Variants in CACNB2 observed in about 807,000 individuals in gnomAD.
CACNB2 encodes the protein voltage-dependent L-type calcium channel subunit beta-2.
In CACNB2, 42 loss-of-function variants were observed where a neutral mutation model predicts 73.3. That is an observed-to-expected ratio of 0.57 (90% confidence interval 0.45 to 0.74). The LOEUF (loss-of-function observed/expected upper bound fraction) is 0.74, where lower values mean the gene tolerates loss of function less well. CACNB2 is among the 30% of genes least tolerant of loss of function. CACNB2 has a pLI of 0.00. For synonymous variants in CACNB2, 348 were observed against 310.3 expected (o/e 1.12, Z -1.28); for missense variants, 940 against 853.0 (o/e 1.10, Z -1.27).
At chr10:18,530,085 G>A (rs1327125350) in intron 10 of CACNB2, among the ~76,000 whole-genome samples, 2 of 152,122 alleles carry the variant, frequency 1.3e-5, no homozygotes, top group Non-Finnish European at 2.9e-5. Context: ...AGAACTACAT[G>A]GGAAAGACCA....
At chr10:18,352,556 C>T (rs1180980337) in intron 2 of CACNB2, among the ~76,000 whole-genome samples, 2 of 152,172 alleles carry the variant, frequency 1.3e-5, no homozygotes, top group African/African-American at 2.4e-5. Flanking sequence ...TTTAAGCACT[C>T]TTGTTTACTT....
intron 3 of CACNB2, among the ~76,000 whole-genome samples, chr10:18,490,718 C>G (rs922566369): frequency 1.3e-5 from 2 of 152,142 alleles, no homozygotes; most frequent in African/African-American, 4.8e-5. Context: ...TCCGCAACAG[C>G]CATCCCTGAA....
intron 2 of CACNB2, among the ~76,000 whole-genome samples, chr10:18,274,339 T>C (rs1213821414): frequency 6.6e-6 from 1 of 152,188 alleles, no homozygotes; most frequent in African/African-American, 2.4e-5. Context: ...CATTTTTATC[T>C]GAAAGAACAC....
chr10:18,528,457 A>T (rs895136987), intron 10 of CACNB2, among the ~76,000 whole-genome samples: 6 of 152,154 alleles, frequency 3.9e-5, no homozygotes, highest in African/African-American at 1.4e-4. Context: ...CTGTTTTTAT[A>T]AAGTAAACTT....
At chr10:18,389,495 G>A (rs938685430) in intron 2 of CACNB2, among the ~76,000 whole-genome samples, 1 of 152,062 alleles carries the variant, frequency 6.6e-6, no homozygotes, top group African/African-American at 2.4e-5. Context: ...ATTCAGTTTT[G>A]TTTTTGTTGT....
At chr10:18,368,071 A>C (rs2042429322) in intron 2 of CACNB2, among the ~76,000 whole-genome samples, 1 of 152,170 alleles carries the variant, frequency 6.6e-6, no homozygotes, top group Non-Finnish European at 1.5e-5. Flanking sequence ...GGAGGAAAGA[A>C]ATTTCTTGAA....
intron 2 of CACNB2, among the ~76,000 whole-genome samples, chr10:18,288,790 A>G (rs1484242430): frequency 6.6e-6 from 1 of 152,010 alleles, no homozygotes; most frequent in African/African-American, 2.4e-5. Flanking sequence ...CACACCTATA[A>G]TCCCAGCACT....
At chr10:18,302,467 G>C (rs568230028) in intron 2 of CACNB2, among the ~76,000 whole-genome samples, 1 of 152,276 alleles carries the variant, frequency 6.6e-6, no homozygotes, top group South Asian at 2.1e-4. Flanking sequence ...CAATAAACGA[G>C]TGGATAGAGA....
intron 2 of CACNB2, among the ~76,000 whole-genome samples, chr10:18,323,150 G>T (rs1245989377): frequency 1.3e-5 from 2 of 151,232 alleles, no homozygotes; most frequent in South Asian, 4.2e-4. Flanking sequence ...GTAGTGATGG[G>T]GTATCACTGT....
chr10:18,447,285 A>G (rs767948494), intron 3 of CACNB2, among the ~76,000 whole-genome samples: 1 of 152,202 alleles, frequency 6.6e-6, no homozygotes, highest in Non-Finnish European at 1.5e-5. Flanking sequence ...TAGACCGTGT[A>G]TTTGGAAGCA....
chr10:18,494,659 A>G (rs2049676445), intron 3 of CACNB2, among the ~76,000 whole-genome samples: 1 of 151,536 alleles, frequency 6.6e-6, no homozygotes, highest in Non-Finnish European at 1.5e-5. Flanking sequence ...AGAAAAGAAA[A>G]GAAACATCTG....
intron 12 of CACNB2, 47 bp downstream of exon 12, chr10:18,536,243 C>CCTT: frequency 3.6e-6 from 1 of 280,946 alleles, no homozygotes; most frequent in Non-Finnish European, 5.8e-6. Flanking sequence ...GAGATCAGAC[C>CCTT]TTTTTTTTTT....
intron 2 of CACNB2, among the ~76,000 whole-genome samples, chr10:18,295,905 G>C (rs1320167752): frequency 1.3e-5 from 2 of 151,956 alleles, no homozygotes; most frequent in Non-Finnish European, 2.9e-5. Flanking sequence ...GTTCTGCCAG[G>C]GACAGAAGTC....
At chr10:18,434,931 T>C (rs576180006) in intron 3 of CACNB2, among the ~76,000 whole-genome samples, 1 of 152,342 alleles carries the variant, frequency 6.6e-6, no homozygotes, top group Non-Finnish European at 1.5e-5. Context: ...GATGTCTTAG[T>C]GCCATTAAGA....
rs201654242 is a variant in CACNB2, at chr10:18,347,344, ATTTTTTTTT to A, written c.214-54559_214-54551del. Among the ~76,000 whole-genome samples the A allele has an allele frequency of 2.9e-3, 353 of 120,810 alleles. 1 individual carries two copies. Among genetic ancestry groups the A allele is most frequent in the African/African-American group, 0.011 (342 of 32,360 alleles). The allele number at this position is 120,810 out of a possible 152,430, so 79.3% of individuals were successfully genotyped here. A position where few individuals can be genotyped will look rare whatever the true frequency, so the allele number is the denominator to read the frequency against. On this transcript the variant is annotated intron_variant, in intron 2 of 13. Transcript: ENST00000324631. ...AGGCGCATGCCGCCATGCCCGTCTA[ATTTTTTTTT>A]TTTTTTTTTTTTTTTTTTTTGTATT...
At chr10:18,530,744 TTA>T (rs1291338027) in intron 10 of CACNB2, among the ~76,000 whole-genome samples, 1 of 152,194 alleles carries the variant, frequency 6.6e-6, no homozygotes, top group Non-Finnish European at 1.5e-5. Flanking sequence ...CTGTCTGCAC[TTA>T]GTGTAGGCCA....
chr10:18,222,450 C>A (rs899547171), intron 2 of CACNB2, among the ~76,000 whole-genome samples: 1 of 121,192 alleles, frequency 8.3e-6, no homozygotes, highest in South Asian at 2.7e-4. Flanking sequence ...AGACCCTCTG[C>A]GAAATAAGAA....
At chr10:18,249,373 A>G (rs1040373844) in intron 2 of CACNB2, among the ~76,000 whole-genome samples, 6 of 151,476 alleles carry the variant, frequency 4.0e-5, no homozygotes, top group Non-Finnish European at 8.8e-5. Flanking sequence ...TCTTACCTGT[A>G]ATACCTCCTA....
intron 2 of CACNB2, among the ~76,000 whole-genome samples, chr10:18,175,950 TAGAA>T (rs1168152775): frequency 6.6e-6 from 1 of 152,158 alleles, no homozygotes; most frequent in African/African-American, 2.4e-5. Flanking sequence ...TGGTGGTCAA[TAGAA>T]AGAAAGCCCA....
Sources: allele counts gnomAD v4.1 joint callset (sites outside exome capture counted in the v4.1 genomes callset), GRCh38; gene constraint gnomAD v4.1.1; transcripts MANE v1.5; gene names NCBI Gene and HGNC (gene_info 2026-07-23, HGNC 2026-07-21).